The following TMEM165 variants were observed in gnomAD, a reference collection of about 807,000 sequenced individuals.
The protein encoded by TMEM165 is transmembrane protein 165, also known as putative divalent cation/proton antiporter TMEM165.
TMEM165 carries 19 observed loss-of-function variants against 30.0 expected under a neutral mutation model. The observed-to-expected ratio is 0.63, with a 90% CI of 0.44 to 0.93. The LOEUF is 0.93. TMEM165 is among the 40% of genes least tolerant of loss of function. The pLI is 0.00. For missense variants in TMEM165, 340 were observed against 417.0 expected, an observed-to-expected ratio of 0.82 and a Z score of 1.61; for synonymous variants, 168 against 162.9, an observed-to-expected ratio of 1.03 and a Z score of -0.24.
chr4:55,422,233 C>T (rs1722008421), intron 4 of TMEM165, among the ~76,000 whole-genome samples: 2 of 152,172 alleles, frequency 1.3e-5, no homozygotes, highest in African/African-American at 4.8e-5. Flanking sequence ...TATCAACATT[C>T]TTCTCTTTCT....
chr4:55,412,393 CAAAAAAAAAAAAA>C (rs371124857), intron 2 of TMEM165, among the ~76,000 whole-genome samples: 1 of 54,366 alleles, frequency 1.8e-5, no homozygotes, highest in Admixed American at 3.2e-4. Context: ...GACTCCATCT[CAAAAAAAAAAAAA>C]AAAAAAAAAA....
chr4:55,446,396 G>A (rs1434355048), intron 3 of TMEM165, among the ~76,000 whole-genome samples: 1 of 151,888 alleles, frequency 6.6e-6, no homozygotes, highest in African/African-American at 2.4e-5. Context: ...CTTAACAAAG[G>A]AAAAAGTAGT....
intron 2 of TMEM165, chr4:55,412,189 T>TTGAGA: frequency 9.7e-6 from 3 of 308,316 alleles, no homozygotes; most frequent in Non-Finnish European, 1.8e-5. Context: ...GGTCAGGAGT[T>TTGAGA]CCGAGATCAG....
Position 55,400,391 on chromosome 4 carries a change from TA to T in TMEM165, c.207+3997del, listed in dbSNP as rs1189565286. Among the ~76,000 whole-genome samples, 691 of 124,826 alleles carry T rather than the reference TA, an allele frequency of 5.5e-3. 10 individuals carry two copies. Among genetic ancestry groups the T allele is most frequent in the African/African-American group, 0.019 (641 of 33,328 alleles). 81.9% of individuals were successfully genotyped at this position (124,826 alleles called of 152,430 possible). On this transcript the variant is annotated intron_variant, in intron 1 of 5. Coordinates refer to ENST00000381334, the MANE Select transcript of TMEM165 (RefSeq NM_018475.5). ...ATTATATTAATATAATAATAATAAA[TA>T]ATATTAATATAATTAATATATTTAT...
intron 2 of TMEM165, chr4:55,412,054 C>T: frequency 1.7e-6 from 1 of 605,186 alleles, no homozygotes; most frequent in Non-Finnish European, 2.9e-6. Flanking sequence ...TTTTCATCTT[C>T]AATTTAAGGA....
At chr4:55,436,486 G>C (rs2109629598) in intron 3 of TMEM165, among the ~76,000 whole-genome samples, 1 of 152,264 alleles carries the variant, frequency 6.6e-6, no homozygotes, top group East Asian at 1.9e-4. Flanking sequence ...CAGAAAGAAA[G>C]TGAATTTTTA....
chr4:55,450,006 C>G lies in TMEM165; in HGVS notation c.409-2233C>G, dbSNP rs1237078352. 4.7e-6 allele frequency: 7 copies of G among 1,475,894 alleles called. No individual in the cohort carries two copies. The African/African-American group carries it at 5.6e-5, about 12-fold the overall frequency. The allele number at this position is 1,475,894 out of a possible 1,614,324, so 91.4% of individuals were successfully genotyped here. A position where few individuals can be genotyped will look rare whatever the true frequency, so the allele number is the denominator to read the frequency against. ...GTAAAAACTTATAATTTTAAAGAAG[C>G]GTTTGATGAGAAATGCTGATATAAG... On this transcript the variant is annotated intron_variant, in intron 3 of 3. Coordinates refer to the TMEM165 transcript ENST00000608091.
chr4:55,406,248 T>C (rs1162457963), intron 1 of TMEM165, among the ~76,000 whole-genome samples: 1 of 152,222 alleles, frequency 6.6e-6, no homozygotes, highest in Non-Finnish European at 1.5e-5. Context: ...ATAGCTGGCA[T>C]AAGATGTTGG....
Position 55,445,182 on chromosome 4 carries a change from C to T in TMEM165, c.409-7057C>T, listed in dbSNP as rs534133136. ...ATTTCTGAAATCAAAGTTGTGTGCC[C>T]TGAAATGTAATTTAGTATCCCAAAT... On this transcript the variant is annotated intron_variant, in intron 3 of 3. Transcript: ENST00000608091. Among the ~76,000 whole-genome samples the T allele has an allele frequency of 9.3e-4, 65 of 69,526 alleles. 15 individuals carry two copies. The highest frequency in any genetic ancestry group is 2.0e-3 in the East Asian group (2 of 996). The allele number at this position is 69,526 out of a possible 152,430, so 45.6% of individuals were successfully genotyped here.
rs1007251211 is a variant in TMEM165 at position 55,448,974 on chromosome 4, C to A, written c.409-3265C>A. 7 of 919,890 alleles carry A rather than the reference C, an allele frequency of 7.6e-6. No individual in the cohort carries two copies. In the African/African-American group the frequency reaches 1.2e-4, roughly 15 times the overall value. 57.0% of individuals were successfully genotyped at this position (919,890 alleles called of 1,614,324 possible). ...TTCGTATTAATAAACTTACCATTTG[C>A]CTCATACTTTTGTTAGCTGAATACA... is the stretch of plus-strand genomic sequence containing the variant. On this transcript the variant is annotated intron_variant, in intron 3 of 3. Transcript: ENST00000608091.
At position 55,412,431 on chromosome 4, in the gene TMEM165, G is replaced by A. The variant is rs909945992; in HGVS notation, c.433+592G>A. Among the ~76,000 whole-genome samples the A allele has an allele frequency of 4.1e-5, 6 of 145,058 alleles. No homozygotes were observed. In the Admixed American group the frequency reaches 4.2e-4, roughly 10 times the overall value. Reference sequence around the variant, plus strand: ...AAAAAAAAAAAAGGGAGACTGTTAGGGTGTTTTTAAAATCTACCCAGTGAC... The same window carrying A: ...AAAAAAAAAAAAGGGAGACTGTTAGAGTGTTTTTAAAATCTACCCAGTGAC... On this transcript the variant is annotated intron_variant, in intron 2 of 5. Transcript: ENST00000381334.
Position 55,396,247 on chromosome 4 carries a change from T to A in TMEM165, c.58T>A (p.Phe20Ile). ...RASAPRLLLLFLVPLLWAPAA... is the reference protein window; with the variant it reads ...RASAPRLLLLILVPLLWAPAA... ...ATCGGCGCCCCGGCTGCTTCTGCTC[T>A]TTCTGGTTCCGCTGCTGTGGGCCCC... Residue 20 changes from phenylalanine to isoleucine, a missense_variant, in exon 1 of 6, where the codon TTT becomes ATT. By Grantham distance (21) the Phe-to-Ile change is conservative. This residue lies in a region of TMEM165 where 120 missense variants were observed against 109.4 expected (regional missense o/e 1.10). Transcript: ENST00000381334. The A allele has an allele frequency of 6.6e-7, 1 of 1,505,356 alleles. No individual in the cohort carries two copies. Among genetic ancestry groups the A allele is most frequent in the South Asian group, 1.2e-5 (1 of 80,254 alleles). The allele number at this position is 1,505,356 out of a possible 1,614,324, so 93.2% of individuals were successfully genotyped here. A position where few individuals can be genotyped will look rare whatever the true frequency, so the allele number is the denominator to read the frequency against.
At chr4:55,450,584 A>G (rs573515819) in intron 3 of TMEM165, among the ~76,000 whole-genome samples, 3 of 152,298 alleles carry the variant, frequency 2.0e-5, no homozygotes, top group South Asian at 2.1e-4. Flanking sequence ...CCTGGCCAAC[A>G]GGGTGAAACC....
chr4:55,442,714 A>C lies in TMEM165; in HGVS notation c.409-9525A>C, dbSNP rs976043000. ...AAGTATGCTAGAATTCATCATTCTAACAATATGACAATATGACAGAGAAAG... is the reference window on the plus strand; with the variant it reads ...AAGTATGCTAGAATTCATCATTCTACCAATATGACAATATGACAGAGAAAG... On this transcript the variant is annotated intron_variant, in intron 3 of 3. Coordinates refer to the TMEM165 transcript ENST00000608091. 54 of 1,118,012 alleles carry C rather than the reference A, an allele frequency of 4.8e-5. No individual in the cohort carries two copies. The South Asian group carries it at 7.0e-4, about 15-fold the overall frequency. 69.3% of individuals were successfully genotyped at this position (1,118,012 alleles called of 1,614,324 possible). A position where few individuals can be genotyped will look rare whatever the true frequency, so the allele number is the denominator to read the frequency against.
chr4:55,398,567 T>G (rs535277586), intron 1 of TMEM165, among the ~76,000 whole-genome samples: 86 of 152,366 alleles, frequency 5.6e-4, no homozygotes, highest in African/African-American at 1.9e-3. Flanking sequence ...TCTTTGATCT[T>G]GAGCCTAGCT....
chr4:55,449,480 G>C, intron 3 of TMEM165: 1 of 1,613,980 alleles, frequency 6.2e-7, no homozygotes, highest in Non-Finnish European at 8.5e-7. Context: ...TATCCGTCGG[G>C]ATCTTGGTTG....
intron 3 of TMEM165, chr4:55,435,662 C>T (rs976176521): frequency 5.3e-5 from 79 of 1,490,350 alleles, no homozygotes; most frequent in African/African-American, 2.8e-5. Context: ...TAGTTACTCA[C>T]ACTCTCCCCT....
At chr4:55,452,866 TTTTC>T (rs1187942802) in exon 4 of TMEM165, 3 of 485,472 alleles carry the variant, frequency 6.2e-6, no homozygotes, top group Non-Finnish European at 1.1e-5. Flanking sequence ...TCTCATCCAA[TTTTC>T]TTTTTAGAGG....
exon 4 of TMEM165, chr4:55,453,044 AG>A: frequency 1.9e-6 from 3 of 1,589,518 alleles, no homozygotes; most frequent in Non-Finnish European, 2.6e-6. Context: ...TTTAATTATA[AG>A]AAACATACTT....
Sources: allele counts gnomAD v4.1 joint callset (sites outside exome capture counted in the v4.1 genomes callset), GRCh38; gene constraint gnomAD v4.1.1; regional missense constraint gnomAD v4.1.1; transcripts MANE v1.5; gene names NCBI Gene and HGNC (gene_info 2026-07-23, HGNC 2026-07-21).